The following CSMD1 variants were observed in gnomAD, a reference collection of about 807,000 sequenced individuals.
The protein encoded by CSMD1 is CUB and Sushi multiple domains 1.
In CSMD1, 213 loss-of-function variants were observed where a neutral mutation model predicts 417.5. That is an observed-to-expected ratio of 0.51 (90% confidence interval 0.46 to 0.57). The LOEUF is 0.57. Ranked by LOEUF, CSMD1 falls within the 20% of genes least tolerant of loss-of-function variation. The pLI, the probability that CSMD1 is intolerant of heterozygous loss-of-function variation, is 0.00. For synonymous variants in CSMD1, 2,862 were observed against 1,736.8 expected, an observed-to-expected ratio of 1.65 and a Z score of -16.11; for missense variants, 6,923 against 4,529.7, an observed-to-expected ratio of 1.53 and a Z score of -15.17.
At chr8:3,353,364 T>C (rs959210827) in intron 21 of CSMD1, among the ~76,000 whole-genome samples, 3 of 152,206 alleles carry the variant, frequency 2.0e-5, no homozygotes, top group African/African-American at 7.2e-5. Flanking sequence ...TCCTATCTGC[T>C]CTCTAACACT....
chr8:3,812,982 A>T (rs1189879376), intron 5 of CSMD1, among the ~76,000 whole-genome samples: 1 of 152,132 alleles, frequency 6.6e-6, no homozygotes, highest in Non-Finnish European at 1.5e-5. Context: ...ATTTCTTGGG[A>T]GGAAATCTGG....
At chr8:4,421,665 C>T (rs1797254284) in intron 2 of CSMD1, among the ~76,000 whole-genome samples, 1 of 151,844 alleles carries the variant, frequency 6.6e-6, no homozygotes, top group South Asian at 2.1e-4. Flanking sequence ...ACATATTAAA[C>T]TTTGTAAGAC....
intron 1 of CSMD1, among the ~76,000 whole-genome samples, chr8:4,743,150 A>T (rs1276426415): frequency 6.6e-6 from 1 of 152,248 alleles, no homozygotes; most frequent in Non-Finnish European, 1.5e-5. Context: ...CTTTTAACAG[A>T]GGAGATCACA....
At chr8:3,263,827 G>T (rs972063078) in intron 26 of CSMD1, among the ~76,000 whole-genome samples, 2 of 152,152 alleles carry the variant, frequency 1.3e-5, no homozygotes, top group African/African-American at 4.8e-5. Flanking sequence ...TTCATCATGT[G>T]AAGATTAGAC....
chr8:4,119,610 G>GC (rs1802365142), intron 3 of CSMD1, among the ~76,000 whole-genome samples: 1 of 152,140 alleles, frequency 6.6e-6, no homozygotes. Flanking sequence ...AGGAGACCAG[G>GC]ACTTCTGCTC....
chr8:4,295,695 ATG>A (rs1189442177), intron 3 of CSMD1, among the ~76,000 whole-genome samples: 236 of 144,612 alleles, frequency 1.6e-3, no homozygotes, highest in Middle Eastern at 7.6e-3. Context: ...CATGTTATAT[ATG>A]TTATATATTG....
rs188829132 is a variant in CSMD1, at chr8:4,594,228, G to A, written c.302+43114C>T. On this transcript the variant is annotated intron_variant, in intron 2 of 69. Transcript: ENST00000635120. ...TTTTTTTTTTTTTTTCTCTGAGACGGGGTCTTGCTCTGTTACCCAGGCTGG... is the reference window on the plus strand; with the variant it reads ...TTTTTTTTTTTTTTTCTCTGAGACGAGGTCTTGCTCTGTTACCCAGGCTGG... Among the ~76,000 whole-genome samples the A allele has an allele frequency of 4.3e-4, 43 of 101,174 alleles. No individual in the cohort carries two copies. In the East Asian group the frequency reaches 0.01, roughly 24 times the overall value. 66.4% of individuals were successfully genotyped at this position (101,174 alleles called of 152,430 possible).
chr8:3,767,654 T>C (rs994178855), intron 5 of CSMD1, among the ~76,000 whole-genome samples: 1 of 152,212 alleles, frequency 6.6e-6, no homozygotes, highest in African/African-American at 2.4e-5. Context: ...ATACTGTATA[T>C]GATATATGGT....
At chr8:2,987,204 C>G (rs889518567) in intron 54 of CSMD1, among the ~76,000 whole-genome samples, 1 of 151,928 alleles carries the variant, frequency 6.6e-6, no homozygotes, top group Non-Finnish European at 1.5e-5. Context: ...GGCAAGTTAA[C>G]TCTCTGAGCT....
intron 54 of CSMD1, among the ~76,000 whole-genome samples, chr8:2,987,478 A>G (rs1429995121): frequency 6.7e-6 from 1 of 150,294 alleles, no homozygotes; most frequent in East Asian, 1.9e-4. Flanking sequence ...TATAAGAAAT[A>G]CATAAAATGC....
intron 2 of CSMD1, among the ~76,000 whole-genome samples, chr8:4,481,466 G>C (rs1467701938): frequency 1.3e-5 from 2 of 152,196 alleles, no homozygotes; most frequent in Admixed American, 6.5e-5. Context: ...ATAATGATGT[G>C]TTCAGCATGG....
chr8:3,326,664 C>T (rs1806552980), intron 23 of CSMD1, among the ~76,000 whole-genome samples: 1 of 152,156 alleles, frequency 6.6e-6, no homozygotes, highest in African/African-American at 2.4e-5. Context: ...TGTAAAATGC[C>T]CACCTTGTTT....
At chr8:4,020,083 G>A (rs1355754095) in intron 4 of CSMD1, among the ~76,000 whole-genome samples, 1 of 152,106 alleles carries the variant, frequency 6.6e-6, no homozygotes, top group Admixed American at 6.5e-5. Context: ...AGTAATTATA[G>A]CAGCTGATAT....
At chr8:4,117,601 A>T (rs1332951310) in intron 3 of CSMD1, among the ~76,000 whole-genome samples, 1 of 152,206 alleles carries the variant, frequency 6.6e-6, no homozygotes, top group Non-Finnish European at 1.5e-5. Context: ...TTTTTTACAA[A>T]GGACTTCCAG....
chr8:3,619,663 T>C (rs1203845446), intron 7 of CSMD1, among the ~76,000 whole-genome samples: 2 of 151,900 alleles, frequency 1.3e-5, no homozygotes, highest in East Asian at 3.9e-4. Context: ...ATCAAACTGT[T>C]AGGAGCCAAA....
chr8:3,871,427 G>A (rs976853176), intron 5 of CSMD1, among the ~76,000 whole-genome samples: 26 of 151,818 alleles, frequency 1.7e-4, no homozygotes, highest in Admixed American at 1.3e-3. Context: ...CCTTTAACAT[G>A]CATCATTTAA....
intron 1 of CSMD1, among the ~76,000 whole-genome samples, chr8:4,685,417 T>C (rs1806305600): frequency 6.6e-6 from 1 of 151,578 alleles, no homozygotes; most frequent in African/African-American, 2.4e-5. Context: ...CTACTAAAAA[T>C]ACAAAATACT....
chr8:3,760,543 C>A (rs80122886), intron 5 of CSMD1, among the ~76,000 whole-genome samples: 3 of 152,136 alleles, frequency 2.0e-5, no homozygotes, highest in Non-Finnish European at 4.4e-5. Flanking sequence ...CACTTTTCTC[C>A]GATGGGATAT....
At chr8:4,449,766 T>C (rs986413560) in intron 2 of CSMD1, among the ~76,000 whole-genome samples, 1 of 152,150 alleles carries the variant, frequency 6.6e-6, no homozygotes, top group East Asian at 1.9e-4. Context: ...TGGCAAGCAG[T>C]TGGGAGCAGC....
Sources: gnomAD v4.1 joint callset for allele counts (sites outside exome capture counted in the v4.1 genomes callset) on GRCh38, gnomAD v4.1.1 for gene constraint, MANE v1.5 for transcripts, NCBI Gene and HGNC (gene_info 2026-07-23, HGNC 2026-07-21) for gene names.